Variants in CSPG4 observed in about 807,000 individuals in gnomAD.
CSPG4 encodes the protein chondroitin sulfate proteoglycan 4.
A neutral mutation model predicts 139.3 loss-of-function variants in CSPG4; 74 were observed. That is an observed-to-expected ratio of 0.53 (90% CI 0.44 to 0.64). The LOEUF is 0.64. Among genes scored for constraint, CSPG4 ranks in the 30% least tolerant of loss-of-function variants. The probability of loss-of-function intolerance (pLI) is 0.00; values close to 1 mark genes in which losing one functional copy is unlikely to be tolerated. For missense variants in CSPG4, 2,565 were observed against 3,148.3 expected, an observed-to-expected ratio of 0.81 and a Z score of 4.43; for synonymous variants, 1,234 against 1,394.2, an observed-to-expected ratio of 0.89 and a Z score of 2.56.
In CSPG4 at chr15:75,677,784, C is replaced by T. The variant is rs759985340; in HGVS notation, c.5053G>A (p.Asp1685Asn). 6.2e-7 allele frequency: 1 copy of T among 1,611,748 alleles called. No homozygotes were observed. Among genetic ancestry groups the T allele is most frequent in the Admixed American group, 1.7e-5 (1 of 59,568 alleles). ...GCCACAGCAAGGGTGGCGGCCACGT[C>T]CCGGGCAGGCGGCGAGGACAGCTGG... The part of the protein sequence containing the change: ...ELQLSSPPAR[D>N]VAATLAVAVS... The change falls in exon 9 of 10, where the codon GAC becomes AAC. Residue 1685 changes from aspartate to asparagine, a missense_variant. Asp to Asn is a conservative substitution (Grantham distance 23). This residue lies in a region of CSPG4 where 2,316 missense variants were observed against 2,818.2 expected (regional missense o/e 0.82). Transcript: ENST00000308508.
rs1035106303 is a variant in CSPG4, at chr15:75,695,566, G to A, written c.89-2333C>T. ...CCAGGGCTCTGGAAACTCTGACAGC[G>A]CCACTCCCTCCACCTCCTGGTCTCC... On this transcript the variant is annotated intron_variant, in intron 1 of 9. Transcript: ENST00000308508. Among the ~76,000 whole-genome samples the A allele has an allele frequency of 7.2e-5, 11 of 152,276 alleles. No homozygotes were observed. The East Asian group carries it at 1.2e-3, about 16-fold the overall frequency.
chr15:75,687,186 C>T lies in CSPG4; in HGVS notation c.3789+90G>A. On this transcript the variant is annotated intron_variant, in intron 3 of 9. Coordinates refer to ENST00000308508, the MANE Select transcript of CSPG4 (RefSeq NM_001897.5). The surrounding 1 kb of genome is among the most constrained non-coding windows in gnomAD (Gnocchi z 5.4). Reference sequence around the variant, plus strand: ...ATGTAACCTGGAGCCACCACAGCCACAGCCCAAGTCACGTGTGTTCCTGGC... The same window carrying T: ...ATGTAACCTGGAGCCACCACAGCCATAGCCCAAGTCACGTGTGTTCCTGGC... 6.7e-7 allele frequency: 1 copy of T among 1,500,460 alleles called. No individual in the cohort carries two copies. Among genetic ancestry groups the T allele is most frequent in the Admixed American group, 1.7e-5 (1 of 59,252 alleles). 92.9% of individuals were successfully genotyped at this position (1,500,460 alleles called of 1,614,324 possible). A position where few individuals can be genotyped will look rare whatever the true frequency, so the allele number is the denominator to read the frequency against.
In CSPG4 at chr15:75,677,716, G is replaced by A; in HGVS notation, c.5121C>T (p.Leu1707=). 6.2e-7 allele frequency: 1 copy of A among 1,602,666 alleles called. No homozygotes were observed. Among genetic ancestry groups the A allele is most frequent in the Non-Finnish European group, 8.5e-7 (1 of 1,175,332 alleles). Residue 1707 remains leucine, a synonymous_variant, in exon 9 of 10, where the codon CTC becomes CTT. Coordinates refer to ENST00000308508, the MANE Select transcript of CSPG4 (RefSeq NM_001897.5). Reference sequence around the variant, plus strand: ...CATGCTGTTCACCTTTGTTCTTCCAGAGGTGGCTGGGGCGCTGGGGACAGG... The same window carrying A: ...CATGCTGTTCACCTTTGTTCTTCCAAAGGTGGCTGGGGCGCTGGGGACAGG... ...EAACPQRPSH[L]WKNKGLWVPE...
chr15:75,691,264 C>T (rs1894162453), intron 2 of CSPG4, among the ~76,000 whole-genome samples: 1 of 152,212 alleles, frequency 6.6e-6, no homozygotes, highest in South Asian at 2.1e-4. Flanking sequence ...GGTGCCACTC[C>T]TCTTGCCGTC....
rs1894105176 is a variant in CSPG4, at chr15:75,688,748, G to C, written c.2317C>G (p.Leu773Val). 1 of 1,612,402 alleles carries C rather than the reference G, an allele frequency of 6.2e-7. No homozygotes were observed. Among genetic ancestry groups the C allele is most frequent in the African/African-American group, 1.3e-5 (1 of 74,936 alleles). ...VQVGQEILSNLSFPVTIQRAT... is the reference protein window; with the variant it reads ...VQVGQEILSNVSFPVTIQRAT... ...CTCTGGATGGTCACTGGGAAGGACA[G>C]ATTGCTCAGGATCTCCTGGCCCACC... The change falls in exon 3 of 10, where the codon CTG becomes GTG. Residue 773 changes from leucine to valine, a missense_variant. By Grantham distance (32) the Leu-to-Val change is conservative. Transcript: ENST00000308508.
Position 75,676,363 on chromosome 15 carries a change from A to T in CSPG4, c.6156T>A (p.Gly2052=). Residue 2052 remains glycine, a synonymous_variant, in exon 10 of 10, where the codon GGT becomes GGA. Transcript: ENST00000308508. ...TVRALLHVWA[G]GPWPQGATLR... is the part of the protein sequence containing the mutation. ...GGGTGGCACCCTGGGGCCATGGCCC[A>T]CCTGCCCACACATGCAGCAGAGCCC... 1 of 1,613,300 alleles carries T rather than the reference A, an allele frequency of 6.2e-7. No homozygotes were observed. Among genetic ancestry groups the T allele is most frequent in the Non-Finnish European group, 8.5e-7 (1 of 1,180,002 alleles).
chr15:75,687,345 C>T lies in CSPG4; in HGVS notation c.3720G>A (p.Lys1240=), dbSNP rs756612839. The T allele has an allele frequency of 8.7e-6, 14 of 1,612,646 alleles. No homozygotes were observed. The highest frequency in any genetic ancestry group is 1.3e-5 in the African/African-American group (1 of 74,930). ...CGTAGATCTTCTTGTGCCGGACCAG[C>T]TTCAGTGGGGCCAGTGGGCCCTCTA... is the stretch of plus-strand genomic sequence containing the variant. ...IALEGPLAPL[K]LVRHKKIYVF... is the part of the protein sequence containing the mutation. Residue 1240 remains lysine (K), a synonymous_variant, in exon 3 of 10, where the codon AAG becomes AAA. Coordinates refer to ENST00000308508, the MANE Select transcript of CSPG4 (RefSeq NM_001897.5). The surrounding 1 kb of genome is among the most constrained non-coding windows in gnomAD (Gnocchi z 5.4).
intron 8 of CSPG4, chr15:75,678,528 ATTGT>A (rs1893924922): frequency 5.2e-6 from 2 of 386,420 alleles, no homozygotes; most frequent in Non-Finnish European, 1.0e-5. Flanking sequence ...ATTTTTTTTT[ATTGT>A]TTGTTGAGAC....
Position 75,682,922 on chromosome 15 carries a change from C to G in CSPG4, c.4569G>C (p.Leu1523=). ...GCACCTCAGTGCCCGGCGCCCCCCG[C>G]AGCACTACCCGCCCGTTGCTGGGCT... is the stretch of plus-strand genomic sequence containing the variant. ...IEQPSNGRVV[L]RGAPGTEVRS... Residue 1523 remains leucine (L), a synonymous_variant, in exon 6 of 10, where the codon CTG becomes CTC. Transcript: ENST00000308508. 6.2e-7 allele frequency: 1 copy of G among 1,610,988 alleles called. No homozygotes were observed. Among genetic ancestry groups the G allele is most frequent in the South Asian group, 1.1e-5 (1 of 90,986 alleles).
chr15:75,687,750 C>T lies in CSPG4; in HGVS notation c.3315G>A (p.Leu1105=), dbSNP rs2141428256. 6.2e-7 allele frequency: 1 copy of T among 1,612,938 alleles called. No homozygotes were observed. The highest frequency in any genetic ancestry group is 1.1e-5 in the South Asian group (1 of 91,068). The change falls in exon 3 of 10, where the codon CTG becomes CTA. Residue 1105 remains leucine, a synonymous_variant. Coordinates refer to ENST00000308508, the MANE Select transcript of CSPG4 (RefSeq NM_001897.5). The surrounding 1 kb of genome is among the most constrained non-coding windows in gnomAD (Gnocchi z 5.4). ...CCTGGTGTTGCCCGTCGGACACCTG[C>T]AGCTGGATCCAGCCACGGTCAGCCC... ...HSGADRGWIQ[L]QVSDGQHQAT...
intron 8 of CSPG4, chr15:75,680,867 A>G (rs911784754): frequency 6.5e-6 from 1 of 153,038 alleles, no homozygotes; most frequent in Non-Finnish European, 1.5e-5. Context: ...CTCCTCCCAG[A>G]GTGGGCCAGG....
At chr15:75,685,015 T>C (rs1316150140) in intron 4 of CSPG4, 103 bp from the exon 5 acceptor site, 14 of 1,316,724 alleles carry the variant, frequency 1.1e-5, no homozygotes, top group Non-Finnish European at 1.5e-5. Context: ...TCATTTTCCA[T>C]TGGTAGAAAA....
At chr15:75,685,112 C>T (rs1894035154) in intron 4 of CSPG4, 107 bp downstream of exon 4, 3 of 1,429,362 alleles carry the variant, frequency 2.1e-6, no homozygotes, top group South Asian at 2.8e-5. Context: ...AAATGTGACT[C>T]CCCGTCTCCT....
chr15:75,675,596 C>T lies in CSPG4; in HGVS notation c.6923G>A (p.Cys2308Tyr). The part of the protein sequence containing the change: ...GQPDPELLQF[C>Y]RTPNPALKNG... ...CTTAAGGGCAGGGTTGGGTGTCCGGCAGAACTGCAGCAGCTCTGGGTCAGG... is the reference window on the plus strand; with the variant it reads ...CTTAAGGGCAGGGTTGGGTGTCCGGTAGAACTGCAGCAGCTCTGGGTCAGG... Residue 2308 changes from cysteine (C) to tyrosine (Y), a missense_variant, in exon 10 of 10, where the codon TGC becomes TAC. By Grantham distance (194) the Cys-to-Tyr change is radical. Transcript: ENST00000308508. The T allele has an allele frequency of 6.6e-7, 1 of 1,513,004 alleles. No individual in the cohort carries two copies. Among genetic ancestry groups the T allele is most frequent in the Non-Finnish European group, 8.8e-7 (1 of 1,131,160 alleles). The allele number at this position is 1,513,004 out of a possible 1,614,324, so 93.7% of individuals were successfully genotyped here. A position where few individuals can be genotyped will look rare whatever the true frequency, so the allele number is the denominator to read the frequency against.
In CSPG4 at chr15:75,687,696, C is replaced by T. The variant is rs369889556; in HGVS notation, c.3369G>A (p.Ser1123=). The change falls in exon 3 of 10, where the codon TCG becomes TCA. Residue 1123 remains serine (S), a synonymous_variant. Transcript: ENST00000308508. The surrounding 1 kb of genome is among the most constrained non-coding windows in gnomAD (Gnocchi z 5.4). ...QATALLEVQA[S]EPYLRVANGS... is the part of the protein sequence containing the mutation. ...CGTTGGCCACACGGAGGTAGGGTTC[C>T]GAGGCCTGCACCTCCAGCAGCGCAG... is the stretch of plus-strand genomic sequence containing the variant. 17 of 1,612,906 alleles carry T rather than the reference C, an allele frequency of 1.1e-5. No homozygotes were observed. Among genetic ancestry groups the T allele is most frequent in the East Asian group, 4.5e-5 (2 of 44,894 alleles).
In CSPG4 at chr15:75,675,709, A is replaced by G. The variant is rs761175264; in HGVS notation, c.6810T>C (p.Gly2270=). ...CCACCTTGCGAAAGGTCTCGGTGTC[A>G]CCAGCCAGGCCGTTGCGGGGCTTGG... ...LTAKPRNGLA[G]DTETFRKVEP... The change falls in exon 10 of 10, where the codon GGT becomes GGC. Residue 2270 remains glycine, a synonymous_variant. Transcript: ENST00000308508. 9 of 1,577,750 alleles carry G rather than the reference A, an allele frequency of 5.7e-6. No homozygotes were observed. The highest frequency in any genetic ancestry group is 7.8e-6 in the Non-Finnish European group (9 of 1,158,996).
In CSPG4 at chr15:75,681,145, G is replaced by A. The variant is rs541120925; in HGVS notation, c.4950+1148C>T. On this transcript the variant is annotated intron_variant, in intron 8 of 9. Coordinates refer to ENST00000308508, the MANE Select transcript of CSPG4 (RefSeq NM_001897.5). Reference sequence around the variant, plus strand: ...ATCTCATTGTGGGGAGGGGGCCATAGCAGGAGTGGGGAGCCAGGGAAATAC... The same window carrying A: ...ATCTCATTGTGGGGAGGGGGCCATAACAGGAGTGGGGAGCCAGGGAAATAC... Among the ~76,000 whole-genome samples the A allele has an allele frequency of 7.2e-5, 11 of 152,324 alleles. No homozygotes were observed. The South Asian group carries it at 1.9e-3, about 26-fold the overall frequency.
intron 7 of CSPG4, 40 bp downstream of exon 7, chr15:75,682,567 G>C: frequency 6.2e-7 from 1 of 1,606,034 alleles, no homozygotes; most frequent in Non-Finnish European, 8.5e-7. Context: ...CTCCGCCCCA[G>C]CTCCTGGCAC....
chr15:75,682,681 T>C lies in CSPG4; in HGVS notation c.4709A>G (p.His1570Arg), dbSNP rs1893990857. 1.9e-6 allele frequency: 3 copies of C among 1,612,996 alleles called. No individual in the cohort carries two copies. The highest frequency in any genetic ancestry group is 2.5e-6 in the Non-Finnish European group (3 of 1,180,002). Residue 1570 changes from histidine to arginine, a missense_variant, in exon 7 of 10, where the codon CAC (histidine) becomes CGC (arginine). His to Arg is a conservative substitution (Grantham distance 29). Around this residue, in one of 5 missense-constraint regions of CSPG4, gnomAD observed 2,316 missense variants for 2,818.2 expected, o/e 0.82. Transcript: ENST00000308508. ...CTTCTGGGCCGTCACTCGGAAGAAG[T>C]GTCCGGGGGAAGTGTGCTCGCCGTC... is the stretch of plus-strand genomic sequence containing the variant. ...LSDGEHTSPG[H>R]FFRVTAQKQV... is the part of the protein sequence containing the mutation.
Sources: gnomAD v4.1 joint callset for allele counts (sites outside exome capture counted in the v4.1 genomes callset) on GRCh38, gnomAD v4.1.1 for gene constraint, gnomAD v4.1.1 regional missense constraint, Gnocchi (gnomAD v3.1) non-coding constraint, MANE v1.5 for transcripts, NCBI Gene and HGNC (gene_info 2026-07-23, HGNC 2026-07-21) for gene names.